CBR4: variants seen among roughly 807,000 people sequenced by gnomAD.
CBR4 encodes 3-oxoacyl-[acyl-carrier-protein] reductase.
CBR4 carries 22 observed loss-of-function variants against 21.0 expected under a neutral mutation model. That is an observed-to-expected ratio of 1.05 (90% CI 0.75 to 1.50). CBR4 has a LOEUF of 1.50. Ranked by LOEUF, CBR4 falls within the 40% of genes most tolerant of loss-of-function variation. CBR4 has a pLI of 0.00. For synonymous variants in CBR4, 100 were observed against 104.4 expected, an observed-to-expected ratio of 0.96 and a Z score of 0.26; for missense variants, 302 against 286.3, an observed-to-expected ratio of 1.05 and a Z score of -0.40.
In CBR4 at chr4:168,936,770, A is replaced by T. The variant is rs184357668; in HGVS notation, n.170-42005T>A. ...AAAAGGAATGAACAAAGCCTCCAAG[A>T]ATTAGGGAACTAATGTGAAAAGTCC... On this transcript the variant is annotated intron_variant and non_coding_transcript_variant, in intron 2 of 3. Coordinates refer to the CBR4 transcript ENST00000509108. 1.6e-4 allele frequency among the ~76,000 whole-genome samples: 25 copies of T among 152,320 alleles called. No individual in the cohort carries two copies. In the Middle Eastern group the frequency reaches 0.017, roughly 104 times the overall value.
chr4:168,988,034 G>T lies in CBR4; in HGVS notation c.*2116C>A. ...AGCTACAGATGAGTCTTCTTGTTAA[G>T]AATTCATTCAATGCTTCTCAGAATA... On this transcript the variant is annotated 3_prime_UTR_variant, in exon 5 of 5. Transcript: ENST00000306193. 3.2e-5 allele frequency: 32 copies of T among 985,322 alleles called. No individual in the cohort carries two copies. Among genetic ancestry groups the T allele is most frequent in the Non-Finnish European group, 3.9e-5 (32 of 829,854 alleles). The allele number at this position is 985,322 out of a possible 1,614,324, so 61.0% of individuals were successfully genotyped here.
chr4:169,005,913 G>T (rs1403594091), intron 3 of CBR4: 1 of 1,286,316 alleles, frequency 7.8e-7, no homozygotes, highest in Non-Finnish European at 1.0e-6. Context: ...CCCTTCTGTG[G>T]CCTTTTAAGG....
intron 1 of CBR4, among the ~76,000 whole-genome samples, chr4:169,008,223 G>A (rs1731087146): frequency 6.6e-6 from 1 of 151,998 alleles, no homozygotes; most frequent in Non-Finnish European, 1.5e-5. Context: ...ATGCACTATG[G>A]CACATATATT....
At chr4:168,969,181 A>G (rs950638265) in intron 2 of CBR4, among the ~76,000 whole-genome samples, 3 of 152,228 alleles carry the variant, frequency 2.0e-5, no homozygotes, top group Non-Finnish European at 2.9e-5. Flanking sequence ...AAGTGAGCAT[A>G]GATTCCTTTG....
chr4:168,997,172 C>T (rs1765245109), intron 4 of CBR4, among the ~76,000 whole-genome samples: 1 of 152,162 alleles, frequency 6.6e-6, no homozygotes, highest in Non-Finnish European at 1.5e-5. Context: ...CCAGTAGATG[C>T]CACTGTCCAA....
chr4:168,946,643 A>C (rs1763402083), intron 2 of CBR4, among the ~76,000 whole-genome samples: 1 of 152,222 alleles, frequency 6.6e-6, no homozygotes, highest in African/African-American at 2.4e-5. Flanking sequence ...TAGATTATCT[A>C]TGTTAGCATG....
intron 2 of CBR4, among the ~76,000 whole-genome samples, chr4:168,934,694 C>A (rs1038620582): frequency 1.6e-4 from 24 of 151,804 alleles, no homozygotes; most frequent in African/African-American, 5.8e-4. Flanking sequence ...AAAAGCCTCC[C>A]AACAAGGAAA....
chr4:168,897,000 T>G (rs1755340195), intron 2 of CBR4, among the ~76,000 whole-genome samples: 1 of 151,988 alleles, frequency 6.6e-6, no homozygotes, highest in Non-Finnish European at 1.5e-5. Flanking sequence ...CCTGGCTAAT[T>G]TTGTATTTTT....
Position 168,913,979 on chromosome 4 carries a change from G to A in CBR4, n.170-19214C>T, listed in dbSNP as rs863224703. The A allele has an allele frequency of 2.5e-6, 4 of 1,613,326 alleles. No homozygotes were observed. The highest frequency in any genetic ancestry group is 1.6e-4 in the Middle Eastern group (1 of 6,062). On this transcript the variant is annotated intron_variant and non_coding_transcript_variant, in intron 2 of 3. Coordinates refer to the CBR4 transcript ENST00000509108. Reference sequence around the variant, plus strand: ...ATGGTACAGGCTGTCAACCAAAGAGGTCGAAGTCCCCGGTCTCCCTCAGGC... The same window carrying A: ...ATGGTACAGGCTGTCAACCAAAGAGATCGAAGTCCCCGGTCTCCCTCAGGC...
intron 2 of CBR4, among the ~76,000 whole-genome samples, chr4:168,899,141 C>A (rs1419781669): frequency 3.3e-5 from 5 of 152,090 alleles, no homozygotes; most frequent in Non-Finnish European, 7.4e-5. Context: ...AATCTTTAAT[C>A]AAAAAACCAA....
chr4:168,921,099 G>A (rs1761391841), intron 2 of CBR4, among the ~76,000 whole-genome samples: 1 of 152,084 alleles, frequency 6.6e-6, no homozygotes, highest in Non-Finnish European at 1.5e-5. Context: ...AGAGTAACAT[G>A]AGCTGATACT....
chr4:168,913,989 C>G lies in CBR4; in HGVS notation n.170-19224G>C. On this transcript the variant is annotated intron_variant and non_coding_transcript_variant, in intron 2 of 3. Transcript: ENST00000509108. ...CTGTCAACCAAAGAGGTCGAAGTCCCCGGTCTCCCTCAGGCCATCCTCATG... is the reference window on the plus strand; with the variant it reads ...CTGTCAACCAAAGAGGTCGAAGTCCGCGGTCTCCCTCAGGCCATCCTCATG... The G allele has an allele frequency of 1.2e-6, 2 of 1,611,920 alleles. No individual in the cohort carries two copies. The highest frequency in any genetic ancestry group is 1.7e-6 in the Non-Finnish European group (2 of 1,178,020).
rs759733137 is a variant in CBR4 at position 168,925,215 on chromosome 4, CTCTCTT to C, written n.170-30456_170-30451del. ...GTCAAAAAAATTCATATTGCTCTCT[CTCTCTT>C]TCTATTTGTAGTTTCTCGACATTAA... On this transcript the variant is annotated intron_variant and non_coding_transcript_variant, in intron 2 of 3. Transcript: ENST00000509108. 99 of 1,601,026 alleles carry C rather than the reference CTCTCTT, an allele frequency of 6.2e-5. 1 individual carries two copies. The highest frequency in any genetic ancestry group is 9.9e-5 in the South Asian group (9 of 90,792).
At chr4:168,931,745 T>G (rs1341583805) in intron 2 of CBR4, among the ~76,000 whole-genome samples, 2 of 151,932 alleles carry the variant, frequency 1.3e-5, no homozygotes, top group African/African-American at 2.4e-5. Flanking sequence ...TGAGAAACAA[T>G]CCAGTGAGCC....
intron 2 of CBR4, among the ~76,000 whole-genome samples, chr4:168,942,650 C>T (rs569189822): frequency 1.1e-4 from 17 of 152,126 alleles, no homozygotes; most frequent in South Asian, 4.2e-4. Context: ...CAAAAGCTTG[C>T]GCACGGCAAA....
chr4:168,975,529 G>A (rs1023764853), intron 2 of CBR4, among the ~76,000 whole-genome samples: 6 of 152,168 alleles, frequency 3.9e-5, no homozygotes, highest in Admixed American at 1.3e-4. Context: ...GGCCTCTAGC[G>A]AGGAAGTGAT....
intron 2 of CBR4, among the ~76,000 whole-genome samples, chr4:168,896,816 C>T (rs1755284623): frequency 6.6e-6 from 1 of 151,620 alleles, no homozygotes; most frequent in Non-Finnish European, 1.5e-5. Flanking sequence ...TTTATTTTTA[C>T]TTTATGTATT....
intron 2 of CBR4, among the ~76,000 whole-genome samples, chr4:168,971,136 TA>T (rs1242385617): frequency 3.3e-5 from 5 of 152,332 alleles, no homozygotes; most frequent in African/African-American, 1.2e-4. Flanking sequence ...CAACATCTAT[TA>T]TTTTTTTATT....
chr4:168,930,397 A>G (rs2126652203), intron 2 of CBR4, among the ~76,000 whole-genome samples: 2 of 152,324 alleles, frequency 1.3e-5, no homozygotes, highest in South Asian at 4.1e-4. Context: ...AGAAGGAACA[A>G]AACTAATTAA....
Sources: gnomAD v4.1 joint callset for allele counts (sites outside exome capture counted in the v4.1 genomes callset) on GRCh38, gnomAD v4.1.1 for gene constraint, MANE v1.5 for transcripts, NCBI Gene and HGNC (gene_info 2026-07-23, HGNC 2026-07-21) for gene names.